GREB1: variants seen among roughly 807,000 people sequenced by gnomAD.
GREB1 encodes the protein protein GREB1.
Under a neutral mutation model 200.7 loss-of-function variants are expected in GREB1, and 106 were observed. The observed-to-expected ratio is 0.53, with a 90% CI of 0.45 to 0.62. The LOEUF is 0.62. Among genes scored for constraint, GREB1 ranks in the 20% least tolerant of loss-of-function variants. The pLI is 0.00. For missense variants in GREB1, 2,243 were observed against 2,556.8 expected (o/e 0.88, Z 2.65); for synonymous variants, 1,132 against 1,092.4 (o/e 1.04, Z -0.72).
Position 11,629,832 on chromosome 2 carries a change from G to A in GREB1, c.4450-116G>A, listed in dbSNP as rs1684743330. The A allele has an allele frequency of 1.9e-6, 2 of 1,027,060 alleles. No individual in the cohort carries two copies. The highest frequency in any genetic ancestry group is 1.5e-5 in the South Asian group (1 of 65,258). The allele number at this position is 1,027,060 out of a possible 1,614,324, so 63.6% of individuals were successfully genotyped here. A position where few individuals can be genotyped will look rare whatever the true frequency, so the allele number is the denominator to read the frequency against. Reference sequence around the variant, plus strand: ...TGGAGTCACCCCGTGGGTTTCTTGTGCTGTAGGGAAGTGGTGACTGTGAGC... The same window carrying A: ...TGGAGTCACCCCGTGGGTTTCTTGTACTGTAGGGAAGTGGTGACTGTGAGC... On this transcript the variant is annotated intron_variant, in intron 25 of 32. Transcript: ENST00000381486. This position sits in a 1 kb window ranked among gnomAD's most constrained non-coding sequence, Gnocchi z 5.2.
intron 6 of GREB1, among the ~76,000 whole-genome samples, chr2:11,579,772 G>A (rs1169510586): frequency 1.3e-5 from 2 of 152,166 alleles, no homozygotes; most frequent in Non-Finnish European, 1.5e-5. Flanking sequence ...AAGCAGTTCC[G>A]TCAGCCCCAG....
At chr2:11,593,772 T>G (rs1680960989) in intron 11 of GREB1, among the ~76,000 whole-genome samples, 1 of 150,880 alleles carries the variant, frequency 6.6e-6, no homozygotes, top group South Asian at 2.1e-4. Flanking sequence ...CCCGGCCAAT[T>G]GATTTAATTT....
chr2:11,544,508 G>A lies in GREB1; in HGVS notation c.-162+10254G>A, dbSNP rs539606181. On this transcript the variant is annotated intron_variant, in intron 1 of 32. Coordinates refer to ENST00000381486, the MANE Select transcript of GREB1 (RefSeq NM_014668.4). The stretch of plus-strand genomic sequence containing the variant: ...TGGGATTACAGCCGTGAGCCACTGC[G>A]CCCGGCCGAGCCTTTTAAGAGAAAT... 4.7e-4 allele frequency among the ~76,000 whole-genome samples: 71 copies of A among 152,152 alleles called. 1 individual carries two copies. The highest frequency in any genetic ancestry group is 1.6e-3 in the African/African-American group (67 of 41,494).
chr2:11,513,020 G>A (rs537774648), intron 1 of GREB1, among the ~76,000 whole-genome samples: 2 of 152,282 alleles, frequency 1.3e-5, no homozygotes, highest in East Asian at 1.9e-4. Flanking sequence ...GCCTGGGAAT[G>A]GAGATTTTGA....
chr2:11,553,009 C>CAAA (rs370234359), intron 1 of GREB1, among the ~76,000 whole-genome samples: 15,485 of 80,496 alleles, frequency 0.19, 1,360 homozygotes, highest in South Asian at 0.31. Flanking sequence ...AACTCCGTCT[C>CAAA]AAAAAAAAAA....
At chr2:11,609,116 G>C (rs1159606955) in intron 17 of GREB1, among the ~76,000 whole-genome samples, 2 of 152,138 alleles carry the variant, frequency 1.3e-5, no homozygotes, top group African/African-American at 4.8e-5. Context: ...CAGTTTTTCA[G>C]CTGTTTCAGA....
chr2:11,483,075 C>T (rs1040675922), intron 1 of GREB1, among the ~76,000 whole-genome samples: 1 of 151,816 alleles, frequency 6.6e-6, no homozygotes, highest in Admixed American at 6.6e-5. Flanking sequence ...CCGCCGGACG[C>T]GGGCACTTCC....
intron 4 of GREB1, among the ~76,000 whole-genome samples, chr2:11,567,735 T>C (rs1355960908): frequency 2.0e-5 from 3 of 152,314 alleles, no homozygotes; most frequent in Middle Eastern, 6.8e-3. Flanking sequence ...GCTCATATGA[T>C]GTAATTGAGT....
intron 16 of GREB1, among the ~76,000 whole-genome samples, chr2:11,601,896 G>T (rs544254263): frequency 1.3e-5 from 2 of 152,182 alleles, no homozygotes; most frequent in Admixed American, 6.5e-5. Flanking sequence ...TCCATGGCTC[G>T]GCCCTTAACC....
intron 1 of GREB1, among the ~76,000 whole-genome samples, chr2:11,506,800 G>A (rs1673193248): frequency 6.6e-6 from 1 of 152,200 alleles, no homozygotes. Context: ...CCATCCTGGG[G>A]AGGAGCCAAC....
At chr2:11,516,277 C>T (rs961931743) in intron 1 of GREB1, among the ~76,000 whole-genome samples, 3 of 151,772 alleles carry the variant, frequency 2.0e-5, no homozygotes, top group Non-Finnish European at 4.4e-5. Context: ...CCTCCAAAAC[C>T]AGGTAATTAC....
rs116089053 is a variant in GREB1, at chr2:11,585,316, C to A, written c.1015+42C>A. On this transcript the variant is annotated intron_variant, in intron 8 of 32. Transcript: ENST00000381486. Reference sequence around the variant, plus strand: ...TTGCCCAGAATTCCAGACTTGGGTACTGGTGGTAGTGCTGCTGCCAGTTGT... The same window carrying A: ...TTGCCCAGAATTCCAGACTTGGGTAATGGTGGTAGTGCTGCTGCCAGTTGT... The A allele has an allele frequency of 7.2e-4, 897 of 1,248,018 alleles. 6 individuals are homozygous for A. In the African/African-American group the frequency reaches 0.013, roughly 17 times the overall value. 77.3% of individuals were successfully genotyped at this position (1,248,018 alleles called of 1,614,324 possible).
chr2:11,582,211 T>G (rs1679563694), intron 7 of GREB1, among the ~76,000 whole-genome samples: 2 of 152,196 alleles, frequency 1.3e-5, no homozygotes, highest in African/African-American at 4.8e-5. Context: ...GAGGGCCTCC[T>G]TCAGCCCGGG....
rs1491261878 is a variant in GREB1 at position 11,483,684 on chromosome 2, AGG to A, written c.-159+1306_-159+1307del. Among the ~76,000 whole-genome samples the A allele has an allele frequency of 4.0e-3, 424 of 105,078 alleles. 4 individuals are homozygous for A. Among genetic ancestry groups the A allele is most frequent in the African/African-American group, 0.016 (400 of 24,294 alleles). The allele number at this position is 105,078 out of a possible 152,430, so 68.9% of individuals were successfully genotyped here. On this transcript the variant is annotated intron_variant, in intron 1 of 2. Transcript: ENST00000628795. ...AAGGCTGCTTCCCCGAAGTACAAGA[AGG>A]GGTGTGTGTGTGTGTGTGTGTGTGT...
rs1349396630 is a variant in GREB1, at chr2:11,597,094, G to A, written c.1955-687G>A. On this transcript the variant is annotated intron_variant, in intron 13 of 32. Transcript: ENST00000381486. This position sits in a 1 kb window ranked among gnomAD's most constrained non-coding sequence, Gnocchi z 4.1. ...AGGTGTGCTAAGTGGGTGCTGAGGG[G>A]ACAGAGGGCTCATGTGTGCTCGGTG... 6.6e-6 allele frequency among the ~76,000 whole-genome samples: 1 copy of A among 152,026 alleles called. No homozygotes were observed. Among genetic ancestry groups the A allele is most frequent in the Non-Finnish European group, 1.5e-5 (1 of 67,958 alleles).
chr2:11,581,264 G>A (rs1484955151), intron 7 of GREB1: 2 of 520,792 alleles, frequency 3.8e-6, no homozygotes, highest in African/African-American at 3.8e-5. Context: ...TCTTCATCTG[G>A]AGATGAGAAT....
intron 4 of GREB1, among the ~76,000 whole-genome samples, chr2:11,571,836 G>A (rs1678330986): frequency 6.6e-6 from 1 of 152,048 alleles, no homozygotes; most frequent in Non-Finnish European, 1.5e-5. Flanking sequence ...TCAGCCTCCT[G>A]AGTAGCTGGG....
intron 16 of GREB1, among the ~76,000 whole-genome samples, chr2:11,601,774 C>A (rs1391423089): frequency 6.6e-6 from 1 of 152,214 alleles, no homozygotes; most frequent in East Asian, 1.9e-4. Context: ...AGGATGAGTT[C>A]TCATCTACAA....
chr2:11,518,436 T>G (rs1673584340), intron 1 of GREB1, among the ~76,000 whole-genome samples: 1 of 151,894 alleles, frequency 6.6e-6, no homozygotes, highest in African/African-American at 2.4e-5. Context: ...AGACACTGAG[T>G]TTTGAGTTCC....
Sources: gnomAD v4.1 joint callset for allele counts (sites outside exome capture counted in the v4.1 genomes callset) on GRCh38, gnomAD v4.1.1 for gene constraint, Gnocchi (gnomAD v3.1) non-coding constraint, MANE v1.5 for transcripts, NCBI Gene and HGNC (gene_info 2026-07-23, HGNC 2026-07-21) for gene names.